MOB3A: variants seen among roughly 807,000 people sequenced by gnomAD.
MOB3A encodes the protein MOB kinase activator 3A, also known as MOB LAK.
MOB3A carries 17 observed loss-of-function variants against 17.8 expected under a neutral mutation model. That is an observed-to-expected ratio of 0.95 (90% confidence interval 0.65 to 1.43). The LOEUF (loss-of-function observed/expected upper bound fraction) is 1.43. Ranked by LOEUF, MOB3A falls within the 40% of genes most tolerant of loss-of-function variation. The pLI is 0.00. For synonymous variants in MOB3A, 124 were observed against 133.2 expected (o/e 0.93, Z 0.48); for missense variants, 333 against 310.8 (o/e 1.07, Z -0.54).
chr19:2,092,671 T>C (rs1025788712), intron 1 of MOB3A, among the ~76,000 whole-genome samples: 3 of 143,520 alleles, frequency 2.1e-5, no homozygotes, highest in Non-Finnish European at 4.5e-5. Context: ...GGCACGAGAA[T>C]CTCTTGAGCT....
At position 2,078,459 on chromosome 19, in the gene MOB3A, C is replaced by T; in HGVS notation, c.102G>A (p.Lys34=). Residue 34 remains lysine, a synonymous_variant, in exon 3 of 5, where the codon AAG becomes AAA. Transcript: ENST00000357066. The stretch of plus-strand genomic sequence containing the variant: ...GCCCGGCGTTCAGCGACGCCTGCGC[C>T]TTCTTGTGCAGCTCGAAGCGCTGGG... ...PGTQRFELHK[K]AQASLNAGLD... is the part of the protein sequence containing the mutation. 6.2e-7 allele frequency: 1 copy of T among 1,612,830 alleles called. No homozygotes were observed. Among genetic ancestry groups the T allele is most frequent in the Non-Finnish European group, 8.5e-7 (1 of 1,179,062 alleles).
Position 2,093,801 on chromosome 19 carries a change from G to A in MOB3A, c.-274+2425C>T, listed in dbSNP as rs534163639. On this transcript the variant is annotated intron_variant, in intron 1 of 4. Transcript: ENST00000357066. This position sits in a 1 kb window ranked among gnomAD's most constrained non-coding sequence, Gnocchi z 4.6. ...CGGGTGTTGCTTGAGGTGGGTGCCT[G>A]TGTCGTCCCTGGGGAAAGGGAAACA... Among the ~76,000 whole-genome samples, 2 of 152,098 alleles carry A rather than the reference G, an allele frequency of 1.3e-5. No homozygotes were observed. The highest frequency in any genetic ancestry group is 2.9e-5 in the Non-Finnish European group (2 of 68,004).
chr19:2,084,580 CG>C (rs2017529328), intron 2 of MOB3A, among the ~76,000 whole-genome samples: 1 of 151,752 alleles, frequency 6.6e-6, no homozygotes, highest in South Asian at 2.1e-4. Flanking sequence ...TCACAGCAGA[CG>C]GTTTTTTTTT....
At chr19:2,083,084 C>T (rs929242880) in intron 2 of MOB3A, among the ~76,000 whole-genome samples, 2 of 152,160 alleles carry the variant, frequency 1.3e-5, no homozygotes, top group Admixed American at 6.5e-5. Context: ...TGGACTCAAG[C>T]GATCCATCCG....
chr19:2,076,850 C>T lies in MOB3A; in HGVS notation c.585G>A (p.Lys195=). ...TCYKHFYYFV[K]EFGLIDTKEL... ...CCTTGGTGTCGATGAGGCCGAACTC[C>T]TTGACGAAATAGTAGAAGTGCTTGT... The change falls in exon 4 of 5, where the codon AAG becomes AAA. Residue 195 remains lysine (K), a synonymous_variant. Transcript: ENST00000357066. 3 of 1,614,044 alleles carry T rather than the reference C, an allele frequency of 1.9e-6. No homozygotes were observed. The highest frequency in any genetic ancestry group is 2.5e-6 in the Non-Finnish European group (3 of 1,180,020).
intron 1 of MOB3A, among the ~76,000 whole-genome samples, chr19:2,090,499 C>T (rs953547662): frequency 3.3e-5 from 5 of 152,014 alleles, no homozygotes; most frequent in Non-Finnish European, 7.4e-5. Context: ...AGGCCAGGAA[C>T]GCTACTCAGC....
In MOB3A at chr19:2,073,479, T is replaced by C. The variant is rs2286365; in HGVS notation, c.625-55A>G. 27 of 1,610,484 alleles carry C rather than the reference T, an allele frequency of 1.7e-5. No homozygotes were observed. The East Asian group carries it at 2.5e-4, about 15-fold the overall frequency. The stretch of plus-strand genomic sequence containing the variant: ...CACCAGCCACTCCTAAAAGGGGTGA[T>C]GCGAACAGCAGACACACGGAGACGC... On this transcript the variant is annotated intron_variant, in intron 4 of 4. Transcript: ENST00000357066.
chr19:2,076,567 A>G (rs977063287), intron 4 of MOB3A, among the ~76,000 whole-genome samples: 1 of 152,216 alleles, frequency 6.6e-6, no homozygotes, highest in African/African-American at 2.4e-5. Context: ...AGTGAGCTGG[A>G]CGCGGGGCGG....
At chr19:2,086,990 T>C (rs969166947) in intron 1 of MOB3A, among the ~76,000 whole-genome samples, 7 of 151,106 alleles carry the variant, frequency 4.6e-5, no homozygotes, top group Non-Finnish European at 8.9e-5. Flanking sequence ...GGGGTCTTGC[T>C]ATGTTGTCCA....
At chr19:2,090,690 G>C (rs2017603900) in intron 1 of MOB3A, among the ~76,000 whole-genome samples, 1 of 151,916 alleles carries the variant, frequency 6.6e-6, no homozygotes, top group African/African-American at 2.4e-5. Flanking sequence ...TTAAGACGGA[G>C]TCTCGCTCTG....
chr19:2,082,517 C>T lies in MOB3A; in HGVS notation c.-120+2658G>A, dbSNP rs968449561. 1.3e-5 allele frequency among the ~76,000 whole-genome samples: 2 copies of T among 152,120 alleles called. No homozygotes were observed. Among genetic ancestry groups the T allele is most frequent in the Non-Finnish European group, 2.9e-5 (2 of 68,022 alleles). On this transcript the variant is annotated intron_variant, in intron 2 of 4. Transcript: ENST00000357066. This position sits in a 1 kb window ranked among gnomAD's most constrained non-coding sequence, Gnocchi z 4.1. ...GCTAGTGGGTGGATCGGCTGGGGCT[C>T]GAACCCTGGACTCTGTGGGTGGATC...
chr19:2,095,655 C>T (rs986106380), intron 1 of MOB3A, among the ~76,000 whole-genome samples: 2 of 152,204 alleles, frequency 1.3e-5, no homozygotes, highest in East Asian at 3.9e-4. Context: ...GTTCGCCCCT[C>T]CTGGGGGATC....
rs988340032 is a variant in MOB3A at position 2,082,760 on chromosome 19, G to C, written c.-120+2415C>G. 6.6e-6 allele frequency among the ~76,000 whole-genome samples: 1 copy of C among 152,158 alleles called. No individual in the cohort carries two copies. Among genetic ancestry groups the C allele is most frequent in the Non-Finnish European group, 1.5e-5 (1 of 68,032 alleles). Reference sequence around the variant, plus strand: ...GTCCAGGGACTGCTGACCCATCTTGGTTTTGCTCGGCGGGGCACAACCCCA... The same window carrying C: ...GTCCAGGGACTGCTGACCCATCTTGCTTTTGCTCGGCGGGGCACAACCCCA... On this transcript the variant is annotated intron_variant, in intron 2 of 4. Coordinates refer to ENST00000357066, the MANE Select transcript of MOB3A (RefSeq NM_130807.3). The surrounding 1 kb of genome is among the most constrained non-coding windows in gnomAD (Gnocchi z 4.1).
At chr19:2,095,748 T>C (rs1214792170) in intron 1 of MOB3A, among the ~76,000 whole-genome samples, 2 of 149,372 alleles carry the variant, frequency 1.3e-5, no homozygotes, top group East Asian at 4.0e-4. Context: ...TTTTCTTTTT[T>C]CTTTTGTTCT....
chr19:2,077,595 T>C (rs2017428687), intron 3 of MOB3A, among the ~76,000 whole-genome samples: 1 of 151,924 alleles, frequency 6.6e-6, no homozygotes. Flanking sequence ...TGGCAGTGAT[T>C]CTGAAACCAC....
chr19:2,085,891 G>A (rs1279785332), intron 1 of MOB3A, among the ~76,000 whole-genome samples: 2 of 144,804 alleles, frequency 1.4e-5, no homozygotes, highest in African/African-American at 5.2e-5. Context: ...CTGAACCCGG[G>A]AGGCAGAGCT....
chr19:2,093,340 G>T lies in MOB3A; in HGVS notation c.-274+2886C>A, dbSNP rs1294424996. On this transcript the variant is annotated intron_variant, in intron 1 of 4. Coordinates refer to ENST00000357066, the MANE Select transcript of MOB3A (RefSeq NM_130807.3). This position sits in a 1 kb window ranked among gnomAD's most constrained non-coding sequence, Gnocchi z 4.6. ...GCCCGGGTAAATTTTGTATTCCTCA[G>T]CCGATGAGCTCTGTTCCTGTCTTCC... Among the ~76,000 whole-genome samples the T allele has an allele frequency of 6.6e-6, 1 of 152,002 alleles. No homozygotes were observed. Among genetic ancestry groups the T allele is most frequent in the Admixed American group, 6.6e-5 (1 of 15,232 alleles).
At chr19:2,096,418 G>A (rs892367804), upstream of MOB3A, 1 of 155,428 alleles carries the variant, frequency 6.4e-6, no homozygotes, top group African/African-American at 2.4e-5. Context: ...CAGAAGCGGC[G>A]TGCAGGGGTC....
At chr19:2,091,691 C>T (rs562949055) in intron 1 of MOB3A, among the ~76,000 whole-genome samples, 4 of 150,792 alleles carry the variant, frequency 2.7e-5, no homozygotes, top group African/African-American at 9.7e-5. Flanking sequence ...GGCTCTAAGA[C>T]CTTTTTTGTT....
Sources: allele counts gnomAD v4.1 joint callset (sites outside exome capture counted in the v4.1 genomes callset), GRCh38; gene constraint gnomAD v4.1.1; non-coding constraint Gnocchi (gnomAD v3.1); transcripts MANE v1.5; gene names NCBI Gene and HGNC (gene_info 2026-07-23, HGNC 2026-07-21).